AKT3: variants seen among roughly 807,000 people sequenced by gnomAD.
AKT3 encodes RAC-gamma serine/threonine-protein kinase.
Under a neutral mutation model 65.3 loss-of-function variants are expected in AKT3, and 15 were observed. The observed-to-expected ratio is 0.23, with a 90% CI of 0.15 to 0.35. The LOEUF (loss-of-function observed/expected upper bound fraction) is 0.35. AKT3 is among the 10% of genes least tolerant of loss of function. AKT3 has a pLI of 1.00. For missense variants in AKT3, 243 were observed against 576.5 expected (o/e 0.42, Z 5.92); for synonymous variants, 206 against 183.8 (o/e 1.12, Z -0.98).
chr1:243,638,254 A>C (rs1303954956), intron 5 of AKT3, among the ~76,000 whole-genome samples: 1 of 152,208 alleles, frequency 6.6e-6, no homozygotes, highest in Non-Finnish European at 1.5e-5. Flanking sequence ...CGTATACTTC[A>C]GTTAAAATAA....
rs563301574 is a variant in AKT3, at chr1:243,640,430, G to C, written c.430-2688C>G. On this transcript the variant is annotated intron_variant, in intron 5 of 13. Coordinates refer to ENST00000673466, the MANE Select transcript of AKT3 (RefSeq NM_005465.7). ...TCTCCCCGGGCTAACCCTGTATCTTGCTTTGAACACAGAATATGATCAAAC... is the reference window on the plus strand; with the variant it reads ...TCTCCCCGGGCTAACCCTGTATCTTCCTTTGAACACAGAATATGATCAAAC... 5.3e-5 allele frequency among the ~76,000 whole-genome samples: 8 copies of C among 152,278 alleles called. No homozygotes were observed. In the South Asian group the frequency reaches 1.7e-3, roughly 32 times the overall value.
At chr1:243,850,297 G>A (rs1297678246), upstream of AKT3, among the ~76,000 whole-genome samples, 1 of 143,876 alleles carries the variant, frequency 7.0e-6, no homozygotes, top group East Asian at 2.1e-4. Flanking sequence ...GGAGCGGGAG[G>A]CGGCGGCGGC....
At chr1:243,583,540 C>CAAAAAAAAAAAAAAAAAAAAAAA (rs1294857854) in intron 8 of AKT3, among the ~76,000 whole-genome samples, 14 of 29,932 alleles carry the variant, frequency 4.7e-4, no homozygotes, top group East Asian at 1.7e-3. Context: ...AAGTAAGTCT[C>CAAAAAAAAAAAAAAAAAAAAAAA]AAAAAAAAAA....
chr1:243,576,774 C>G (rs904680814), intron 8 of AKT3, among the ~76,000 whole-genome samples: 1 of 152,074 alleles, frequency 6.6e-6, no homozygotes, highest in African/African-American at 2.4e-5. Context: ...TATGAAGAAT[C>G]AATATTGGGA....
In AKT3 at chr1:243,499,810, A is replaced by ATGAT; in HGVS notation, c.*5435_*5438dup. On this transcript the variant is annotated 3_prime_UTR_variant, in exon 14 of 14. Coordinates refer to ENST00000673466, the MANE Select transcript of AKT3 (RefSeq NM_005465.7). Reference sequence around the variant, plus strand: ...ACCTGGATGGAACAGAGTGAAATAAATGATTTACAAAGAGATATTTACATT... The same window carrying ATGAT: ...ACCTGGATGGAACAGAGTGAAATAAATGATTGATTTACAAAGAGATATTTACATT... The ATGAT allele has an allele frequency of 6.2e-7, 1 of 1,607,726 alleles. No individual in the cohort carries two copies. The highest frequency in any genetic ancestry group is 1.3e-5 in the African/African-American group (1 of 74,934).
intron 2 of AKT3, among the ~76,000 whole-genome samples, chr1:243,698,498 T>C (rs934992075): frequency 6.6e-6 from 1 of 152,114 alleles, no homozygotes; most frequent in East Asian, 1.9e-4. Flanking sequence ...AACATCATTA[T>C]ATAAATCTTG....
chr1:243,692,732 T>C (rs910197321), intron 3 of AKT3, among the ~76,000 whole-genome samples: 1 of 151,452 alleles, frequency 6.6e-6, no homozygotes, highest in South Asian at 2.1e-4. Flanking sequence ...AGTGAGACTG[T>C]CTAAAAAAAA....
At chr1:243,580,035 T>G (rs1675216752) in intron 8 of AKT3, among the ~76,000 whole-genome samples, 2 of 152,170 alleles carry the variant, frequency 1.3e-5, no homozygotes, top group Admixed American at 1.3e-4. Context: ...AGAAATAGAC[T>G]TTTTGCTTTT....
intron 3 of AKT3, among the ~76,000 whole-genome samples, chr1:243,675,118 C>T (rs552933491): frequency 1.3e-5 from 2 of 152,204 alleles, no homozygotes; most frequent in Non-Finnish European, 2.9e-5. Context: ...TTTCTACTCA[C>T]GTATCTTCAA....
At chr1:243,546,169 G>A (rs950849627) in intron 11 of AKT3, among the ~76,000 whole-genome samples, 1 of 152,160 alleles carries the variant, frequency 6.6e-6, no homozygotes, top group Non-Finnish European at 1.5e-5. Flanking sequence ...GCCCTTGCCT[G>A]CTGCCCTGTA....
chr1:243,768,637 C>T (rs1235149436), intron 2 of AKT3, among the ~76,000 whole-genome samples: 1 of 152,084 alleles, frequency 6.6e-6, no homozygotes, highest in Non-Finnish European at 1.5e-5. Context: ...GAGTTCGATA[C>T]TAACCTGACC....
At chr1:243,645,540 C>T (rs920666325) in intron 5 of AKT3, among the ~76,000 whole-genome samples, 3 of 151,852 alleles carry the variant, frequency 2.0e-5, no homozygotes, top group Non-Finnish European at 4.4e-5. Context: ...CGGGAGAATA[C>T]GAAATGCGAA....
chr1:243,523,576 T>A (rs1670861926), intron 12 of AKT3, among the ~76,000 whole-genome samples: 2 of 152,196 alleles, frequency 1.3e-5, no homozygotes, highest in African/African-American at 4.8e-5. Flanking sequence ...AATCCCCTCA[T>A]TTTAAGATGA....
At chr1:243,489,155 G>A (rs750727513) in intron 13 of AKT3, 2 of 1,610,878 alleles carry the variant, frequency 1.2e-6, no homozygotes, top group East Asian at 2.2e-5. Context: ...TGTGCAGAAC[G>A]CGGCGCAGGT....
chr1:243,828,285 T>C (rs1357206768), intron 2 of AKT3, among the ~76,000 whole-genome samples: 2 of 152,158 alleles, frequency 1.3e-5, no homozygotes, highest in African/African-American at 4.8e-5. Context: ...CCTATACCCA[T>C]ATAAAGTAGG....
At chr1:243,585,675 C>A (rs1184722454) in intron 8 of AKT3, among the ~76,000 whole-genome samples, 1 of 152,150 alleles carries the variant, frequency 6.6e-6, no homozygotes. Flanking sequence ...GCTTCGACAG[C>A]TGGTGAGCCA....
At chr1:243,510,986 A>G (rs1331695083) in intron 13 of AKT3, among the ~76,000 whole-genome samples, 1 of 152,252 alleles carries the variant, frequency 6.6e-6, no homozygotes, top group African/African-American at 2.4e-5. Flanking sequence ...TATGCCCATG[A>G]TTTCTACTCA....
intron 4 of AKT3, among the ~76,000 whole-genome samples, chr1:243,651,044 G>A (rs1248603552): frequency 6.6e-6 from 1 of 152,114 alleles, no homozygotes; most frequent in African/African-American, 2.4e-5. Flanking sequence ...AGCACGGGTT[G>A]TTTTTCCATT....
intron 4 of AKT3, among the ~76,000 whole-genome samples, chr1:243,659,090 A>G (rs1015937233): frequency 6.6e-6 from 1 of 152,160 alleles, no homozygotes; most frequent in Non-Finnish European, 1.5e-5. Flanking sequence ...ATTCAGCCTT[A>G]AAAAAGAAGA....
Sources: gnomAD v4.1 joint callset for allele counts (sites outside exome capture counted in the v4.1 genomes callset) on GRCh38, gnomAD v4.1.1 for gene constraint, MANE v1.5 for transcripts, NCBI Gene and HGNC (gene_info 2026-07-23, HGNC 2026-07-21) for gene names.